Variants in ACOXL observed in about 807,000 individuals in gnomAD.
The protein encoded by ACOXL is acyl-coenzyme A oxidase-like protein.
ACOXL carries 70 observed loss-of-function variants against 71.9 expected under a neutral mutation model. That is an observed-to-expected ratio of 0.97 (90% CI 0.80 to 1.19). The LOEUF (loss-of-function observed/expected upper bound fraction) is 1.19. Among genes scored for constraint, ACOXL ranks in the 50% most tolerant of loss-of-function variants. The pLI is 0.00. For missense variants in ACOXL, 703 were observed against 736.3 expected (o/e 0.95, Z 0.52); for synonymous variants, 253 against 281.6 (o/e 0.90, Z 1.02).
chr2:110,804,689 G>C (rs112800424), intron 8 of ACOXL, among the ~76,000 whole-genome samples: 1 of 152,144 alleles, frequency 6.6e-6, no homozygotes, highest in Non-Finnish European at 1.5e-5. Flanking sequence ...TACAACACAG[G>C]TGAACCCTGA....
At chr2:110,752,828 G>T (rs761093610) in intron 1 of ACOXL, among the ~76,000 whole-genome samples, 4 of 151,994 alleles carry the variant, frequency 2.6e-5, no homozygotes, top group Non-Finnish European at 4.4e-5. Flanking sequence ...ATTGTCTCAC[G>T]CAGTGTCTGT....
intron 2 of ACOXL, among the ~76,000 whole-genome samples, chr2:110,774,979 A>G (rs1456488826): frequency 2.6e-5 from 4 of 152,248 alleles, no homozygotes; most frequent in Non-Finnish European, 5.9e-5. Flanking sequence ...CGTAGAGACC[A>G]ATGGAATGGA....
intron 1 of ACOXL, among the ~76,000 whole-genome samples, chr2:110,764,537 C>T (rs1680800090): frequency 6.6e-6 from 1 of 152,204 alleles, no homozygotes; most frequent in African/African-American, 2.4e-5. Context: ...ATTTTTAGGG[C>T]AGTGAAGCTA....
At chr2:110,943,253 AAAAG>A (rs200246883) in intron 12 of ACOXL, among the ~76,000 whole-genome samples, 1,689 of 145,252 alleles carry the variant, frequency 0.012, 42 homozygotes, top group African/African-American at 0.043. Flanking sequence ...AAAGAAAAAG[AAAAG>A]AAAGGAGGGA....
chr2:111,025,464 T>A (rs527526563), intron 14 of ACOXL, among the ~76,000 whole-genome samples: 1 of 152,236 alleles, frequency 6.6e-6, no homozygotes, highest in Non-Finnish European at 1.5e-5. Flanking sequence ...TTTTAGTTGC[T>A]CCACATCCTC....
chr2:110,795,325 T>C (rs1361227527), intron 5 of ACOXL, among the ~76,000 whole-genome samples: 1 of 152,126 alleles, frequency 6.6e-6, no homozygotes, highest in East Asian at 1.9e-4. Flanking sequence ...GTTAGTTCTC[T>C]CCAGCAGCAA....
chr2:110,885,260 T>C (rs1321343907), intron 10 of ACOXL, among the ~76,000 whole-genome samples: 3 of 152,150 alleles, frequency 2.0e-5, no homozygotes. Context: ...GAATGTGAAA[T>C]TGTCCTCTGA....
At position 110,918,055 on chromosome 2, in the gene ACOXL, C is replaced by A. The variant is rs192548666; in HGVS notation, c.905+9150C>A. On this transcript the variant is annotated intron_variant, in intron 11 of 17. Transcript: ENST00000439055. ...CTTTCTTCACAGAATTAGAAAAAAA[C>A]TACTTTAAATTTCATGTGGAACCAA... 5.4e-3 allele frequency among the ~76,000 whole-genome samples: 822 copies of A among 152,278 alleles called. 5 individuals carry two copies. The highest frequency in any genetic ancestry group is 0.019 in the African/African-American group (781 of 41,556).
At chr2:111,033,972 T>A (rs1353531548) in intron 15 of ACOXL, among the ~76,000 whole-genome samples, 1 of 152,238 alleles carries the variant, frequency 6.6e-6, no homozygotes, top group Non-Finnish European at 1.5e-5. Context: ...CACAATTCAT[T>A]TCACCTTAGA....
At chr2:110,811,921 T>G (rs1442156318) in intron 9 of ACOXL, among the ~76,000 whole-genome samples, 1 of 152,198 alleles carries the variant, frequency 6.6e-6, no homozygotes, top group Non-Finnish European at 1.5e-5. Flanking sequence ...CTTCTTGGAC[T>G]TGACCACCAG....
chr2:110,941,242 T>C (rs2060857273), intron 12 of ACOXL, among the ~76,000 whole-genome samples: 2 of 152,212 alleles, frequency 1.3e-5, no homozygotes, highest in African/African-American at 4.8e-5. Flanking sequence ...AGGGGCACTG[T>C]ACACTGTGCA....
intron 12 of ACOXL, chr2:110,968,345 C>T: frequency 8.6e-7 from 1 of 1,160,758 alleles, no homozygotes; most frequent in Non-Finnish European, 1.3e-6. Flanking sequence ...GCTGGAGGCT[C>T]ATCTGTCTCT....
chr2:110,756,496 T>C (rs1679722379), intron 1 of ACOXL, among the ~76,000 whole-genome samples: 1 of 152,246 alleles, frequency 6.6e-6, no homozygotes, highest in Non-Finnish European at 1.5e-5. Flanking sequence ...GTATTATCTG[T>C]GCATTAGTGG....
chr2:110,765,264 T>G (rs1305646537), intron 1 of ACOXL, among the ~76,000 whole-genome samples: 1 of 152,228 alleles, frequency 6.6e-6, no homozygotes, highest in Non-Finnish European at 1.5e-5. Flanking sequence ...GACATGGGCT[T>G]CTTTGGGTTT....
At chr2:110,865,296 G>A (rs1694434601) in intron 10 of ACOXL, among the ~76,000 whole-genome samples, 1 of 152,210 alleles carries the variant, frequency 6.6e-6, no homozygotes, top group African/African-American at 2.4e-5. Context: ...TGGAGCACAC[G>A]GCAGGTGCGT....
Position 111,043,551 on chromosome 2 carries a change from CT to C in ACOXL, c.1370-5666del, listed in dbSNP as rs199673221. Among the ~76,000 whole-genome samples, 5 of 152,082 alleles carry C rather than the reference CT, an allele frequency of 3.3e-5. No individual in the cohort carries two copies. In the East Asian group the frequency reaches 9.7e-4, roughly 29 times the overall value. ...AGGGACAGTGGGCGCAGTGTCCCAC[CT>C]CGTGGTGCGGTCAGTGGAGAAGGAG... On this transcript the variant is annotated intron_variant, in intron 15 of 17. Coordinates refer to ENST00000439055, the MANE Select transcript of ACOXL (RefSeq NM_001142807.4).
chr2:110,862,328 G>A (rs1694049163), intron 10 of ACOXL, among the ~76,000 whole-genome samples: 2 of 152,180 alleles, frequency 1.3e-5, no homozygotes, highest in Admixed American at 6.5e-5. Context: ...AAGAGGGAGA[G>A]CACGGAGCTG....
intron 12 of ACOXL, among the ~76,000 whole-genome samples, chr2:110,978,121 C>T (rs1315238804): frequency 6.6e-6 from 1 of 152,148 alleles, no homozygotes; most frequent in African/African-American, 2.4e-5. Context: ...TAACAGAATA[C>T]CACTAAGTAA....
At chr2:110,935,076 G>C (rs939487167) in intron 12 of ACOXL, among the ~76,000 whole-genome samples, 5 of 152,058 alleles carry the variant, frequency 3.3e-5, no homozygotes, top group Non-Finnish European at 7.4e-5. Context: ...CCAGGGATTC[G>C]GGGGTAGAGT....
Sources: allele counts gnomAD v4.1 joint callset (sites outside exome capture counted in the v4.1 genomes callset), GRCh38; gene constraint gnomAD v4.1.1; transcripts MANE v1.5; gene names NCBI Gene and HGNC (gene_info 2026-07-23, HGNC 2026-07-21).